LRRC37A2: variants seen among roughly 807,000 people sequenced by gnomAD.
LRRC37A2 encodes leucine-rich repeat-containing protein 37A2.
LRRC37A2 carries 9 observed loss-of-function variants against 68.8 expected under a neutral mutation model. The observed-to-expected ratio is 0.13, with a 90% CI of 0.08 to 0.23. The LOEUF (loss-of-function observed/expected upper bound fraction) is 0.23. Ranked by LOEUF, LRRC37A2 falls within the 10% of genes least tolerant of loss-of-function variation. The pLI is 1.00. For missense variants in LRRC37A2, 168 were observed against 950.4 expected, an observed-to-expected ratio of 0.18 and a Z score of 10.82; for synonymous variants, 63 against 367.6, an observed-to-expected ratio of 0.17 and a Z score of 9.48.
At chr17:46,748,888 C>A in the LRRC37A2 span, among the ~76,000 whole-genome samples, 1 of 152,152 alleles carries the variant, frequency 6.6e-6, no homozygotes, top group Admixed American at 6.5e-5. Context: ...TAGTACTCTG[C>A]ATGGCCTAGC....
the LRRC37A2 span, among the ~76,000 whole-genome samples, chr17:46,493,347 G>C: frequency 8.6e-6 from 1 of 116,328 alleles, no homozygotes; most frequent in Non-Finnish European, 1.8e-5. Context: ...TTTTTTAATA[G>C]AGATGGGGTT....
chr17:46,893,610 C>T, the LRRC37A2 span, among the ~76,000 whole-genome samples: 1 of 152,026 alleles, frequency 6.6e-6, no homozygotes, highest in Non-Finnish European at 1.5e-5. Flanking sequence ...AGGGCAGGAC[C>T]CCCTTGACTT....
At chr17:46,757,745 TCC>T in the LRRC37A2 span, among the ~76,000 whole-genome samples, 1 of 151,876 alleles carries the variant, frequency 6.6e-6, no homozygotes, top group African/African-American at 2.4e-5. Context: ...ATGCCTGTAA[TCC>T]GAGAGGGAGG....
At chr17:46,797,499 G>A in the LRRC37A2 span, among the ~76,000 whole-genome samples, 1 of 152,220 alleles carries the variant, frequency 6.6e-6, no homozygotes, top group Non-Finnish European at 1.5e-5. Flanking sequence ...GGCTTGCCTC[G>A]GGCGGGAAGA....
At chr17:47,043,554 G>C in the LRRC37A2 span, among the ~76,000 whole-genome samples, 8 of 151,506 alleles carry the variant, frequency 5.3e-5, no homozygotes, top group East Asian at 1.9e-4. Context: ...CCAGGAGCCT[G>C]ACAAGTGGAC....
chr17:46,743,767 G>T, the LRRC37A2 span, among the ~76,000 whole-genome samples: 2 of 152,220 alleles, frequency 1.3e-5, no homozygotes, highest in African/African-American at 4.8e-5. Context: ...GCCTGTGGCT[G>T]CCAGAACCCT....
the LRRC37A2 span, among the ~76,000 whole-genome samples, chr17:46,747,674 G>A: frequency 6.6e-6 from 1 of 152,188 alleles, no homozygotes; most frequent in Admixed American, 6.5e-5. Flanking sequence ...TGAAAAATAA[G>A]TTAGTGTAAA....
chr17:47,009,326 G>T, the LRRC37A2 span, among the ~76,000 whole-genome samples: 1 of 152,244 alleles, frequency 6.6e-6, no homozygotes, highest in Non-Finnish European at 1.5e-5. Context: ...TTAGACAGAC[G>T]GCCTGTGGCA....
chr17:46,534,999 C>T (rs2054432267), intron 6 of LRRC37A2, among the ~76,000 whole-genome samples: 1 of 150,256 alleles, frequency 6.7e-6, no homozygotes, highest in Admixed American at 6.6e-5. Flanking sequence ...CTCCTCACCT[C>T]CCAGACAGGG....
At chr17:46,975,002 T>C in the LRRC37A2 span, among the ~76,000 whole-genome samples, 1 of 150,166 alleles carries the variant, frequency 6.7e-6, no homozygotes, top group South Asian at 2.1e-4. Context: ...TTTTTTTTTT[T>C]TTTTTTTTTT....
At chr17:46,852,022 C>T in the LRRC37A2 span, among the ~76,000 whole-genome samples, 2 of 152,170 alleles carry the variant, frequency 1.3e-5, no homozygotes, top group African/African-American at 4.8e-5. Context: ...TGGCCCCGTC[C>T]GCCCCGGCCC....
chr17:46,845,100 C>T, the LRRC37A2 span, among the ~76,000 whole-genome samples: 29,860 of 152,192 alleles, frequency 0.2, 3,601 homozygotes, highest in East Asian at 0.5. Context: ...CCACTCGCCT[C>T]GGCCTCCCAA....
the LRRC37A2 span, among the ~76,000 whole-genome samples, chr17:46,746,247 C>T: frequency 1.3e-5 from 2 of 152,220 alleles, no homozygotes; most frequent in African/African-American, 4.8e-5. Context: ...TGAATGCTCA[C>T]AGGTGTACTT....
At chr17:46,750,555 C>G in the LRRC37A2 span, among the ~76,000 whole-genome samples, 1 of 152,158 alleles carries the variant, frequency 6.6e-6, no homozygotes, top group Non-Finnish European at 1.5e-5. Flanking sequence ...ATTAGGGATA[C>G]TCAACCTGTA....
At chr17:46,573,100 A>T in the LRRC37A2 span, among the ~76,000 whole-genome samples, 1 of 60,554 alleles carries the variant, frequency 1.7e-5, no homozygotes, top group Non-Finnish European at 4.0e-5. Context: ...GACCCAAGCA[A>T]GCTGGGTCTG....
chr17:46,778,332 A>G, the LRRC37A2 span, among the ~76,000 whole-genome samples: 119 of 152,310 alleles, frequency 7.8e-4, no homozygotes, highest in African/African-American at 2.7e-3. Context: ...AGGTCACTCA[A>G]AGAGTGCAGG....
chr17:46,678,487 A>AAGAG, the LRRC37A2 span, among the ~76,000 whole-genome samples: 119 of 147,010 alleles, frequency 8.1e-4, 2 homozygotes, highest in Middle Eastern at 0.011. Flanking sequence ...AAGAGAGAGT[A>AAGAG]AGAGAGAGAG....
the LRRC37A2 span, among the ~76,000 whole-genome samples, chr17:46,712,917 G>C: frequency 3.9e-5 from 6 of 152,196 alleles, no homozygotes; most frequent in African/African-American, 9.6e-5. Context: ...CTCCTAAGAG[G>C]CTGAAAAAGA....
At chr17:46,824,724 G>T in the LRRC37A2 span, among the ~76,000 whole-genome samples, 2 of 152,268 alleles carry the variant, frequency 1.3e-5, no homozygotes, top group Non-Finnish European at 2.9e-5. Flanking sequence ...GCCCAGAGGA[G>T]AGGGAGCAGG....
Sources: gnomAD v4.1 joint callset for allele counts (sites outside exome capture counted in the v4.1 genomes callset) on GRCh38, gnomAD v4.1.1 for gene constraint, MANE v1.5 for transcripts, NCBI Gene and HGNC (gene_info 2026-07-23, HGNC 2026-07-21) for gene names.